DPP6: variants seen among roughly 807,000 people sequenced by gnomAD.
The protein encoded by DPP6 is A-type potassium channel modulatory protein DPP6.
In DPP6, 69 loss-of-function variants were observed where a neutral mutation model predicts 122.6. That is an observed-to-expected ratio of 0.56 (90% confidence interval 0.46 to 0.69). The LOEUF (loss-of-function observed/expected upper bound fraction) is 0.69, where lower values mean the gene tolerates loss of function less well. DPP6 is among the 30% of genes least tolerant of loss of function. The probability of loss-of-function intolerance (pLI) is 0.00; values close to 1 mark genes in which losing one functional copy is unlikely to be tolerated. For synonymous variants in DPP6, 418 were observed against 433.1 expected (o/e 0.97, Z 0.43); for missense variants, 928 against 1,116.9 (o/e 0.83, Z 2.41).
At position 154,014,731 on chromosome 7, in the gene DPP6, T is replaced by C. The variant is rs536875106; in HGVS notation, c.51+126997T>C. The stretch of plus-strand genomic sequence containing the variant: ...CTACTCTGCTTGTATTTTTTGTTTC[T>C]GTCCATCCTCTTACTTGATACCCCT... On this transcript the variant is annotated intron_variant, in intron 1 of 25. Coordinates refer to the DPP6 transcript ENST00000404039. Among the ~76,000 whole-genome samples the C allele has an allele frequency of 4.6e-5, 7 of 152,272 alleles. No individual in the cohort carries two copies. The South Asian group carries it at 1.0e-3, about 23-fold the overall frequency.
At chr7:154,319,368 A>T (rs905162170) in intron 1 of DPP6, among the ~76,000 whole-genome samples, 8 of 152,324 alleles carry the variant, frequency 5.3e-5, no homozygotes, top group Non-Finnish European at 8.8e-5. Flanking sequence ...CCTGCTTTAT[A>T]TTTGTATAAC....
chr7:153,914,647 C>T (rs1800229108), intron 1 of DPP6, among the ~76,000 whole-genome samples: 1 of 152,078 alleles, frequency 6.6e-6, no homozygotes, highest in Non-Finnish European at 1.5e-5. Flanking sequence ...GGAAAGGAAA[C>T]TTCATCTCAT....
intron 1 of DPP6, among the ~76,000 whole-genome samples, chr7:154,141,966 C>G (rs62487197): frequency 0.24 from 36,785 of 151,880 alleles, 4,899 homozygotes; most frequent in East Asian, 0.41. Flanking sequence ...TGCAGCAGGA[C>G]CAATCAAAAG....
chr7:154,553,139 C>T (rs981278294), intron 4 of DPP6, among the ~76,000 whole-genome samples: 4 of 152,310 alleles, frequency 2.6e-5, no homozygotes, highest in Middle Eastern at 3.4e-3. Context: ...AACAAAACAT[C>T]GACAGTGGCT....
At chr7:153,891,183 G>A (rs910563377) in intron 1 of DPP6, among the ~76,000 whole-genome samples, 68 of 150,664 alleles carry the variant, frequency 4.5e-4, no homozygotes, top group Non-Finnish European at 7.2e-4. Flanking sequence ...CACCATGCCC[G>A]GCTAATTTTT....
rs142632480 is a variant in DPP6, at chr7:154,343,409, G to T, written c.244-102805G>T. On this transcript the variant is annotated intron_variant, in intron 1 of 25. Coordinates refer to ENST00000377770, the MANE Select transcript of DPP6 (RefSeq NM_130797.4). Reference sequence around the variant, plus strand: ...AGTCCGGGCACTGAAACTGACAGCTGCTGCGGTCTTGATTTTGAGACAGTT... The same window carrying T: ...AGTCCGGGCACTGAAACTGACAGCTTCTGCGGTCTTGATTTTGAGACAGTT... Among the ~76,000 whole-genome samples the T allele has an allele frequency of 8.0e-4, 122 of 152,336 alleles. 1 individual carries two copies. Among genetic ancestry groups the T allele is most frequent in the African/African-American group, 2.9e-3 (120 of 41,582 alleles).
intron 1 of DPP6, among the ~76,000 whole-genome samples, chr7:154,161,498 AAAAAC>A (rs1220068756): frequency 4.2e-5 from 5 of 118,012 alleles, no homozygotes; most frequent in African/African-American, 1.1e-4. Flanking sequence ...ACTCCATCTC[AAAAAC>A]AAAACAAAAC....
chr7:154,031,935 C>T (rs1458970156), intron 1 of DPP6, among the ~76,000 whole-genome samples: 3 of 149,442 alleles, frequency 2.0e-5, no homozygotes, highest in Admixed American at 6.7e-5. Flanking sequence ...AATCTCGGCT[C>T]ACTGCAAGCT....
chr7:154,272,435 G>A (rs1473311610), intron 1 of DPP6, among the ~76,000 whole-genome samples: 7 of 152,106 alleles, frequency 4.6e-5, no homozygotes, highest in Admixed American at 1.3e-4. Flanking sequence ...TTTGTGCACC[G>A]CCTGGATGGA....
At chr7:154,371,586 A>C (rs1028340797) in intron 1 of DPP6, among the ~76,000 whole-genome samples, 1 of 152,110 alleles carries the variant, frequency 6.6e-6, no homozygotes, top group African/African-American at 2.4e-5. Flanking sequence ...GCCCACTTGC[A>C]GACTGGCCCT....
rs200379031 is a variant in DPP6 at position 154,459,140 on chromosome 7, TA to T, written c.358+12820del. Among the ~76,000 whole-genome samples, 17 of 119,860 alleles carry T rather than the reference TA, an allele frequency of 1.4e-4. No individual in the cohort carries two copies. The South Asian group carries it at 2.0e-3, about 14-fold the overall frequency. 78.6% of individuals were successfully genotyped at this position (119,860 alleles called of 152,430 possible). A position where few individuals can be genotyped will look rare whatever the true frequency, so the allele number is the denominator to read the frequency against. On this transcript the variant is annotated intron_variant, in intron 2 of 25. Transcript: ENST00000377770. ...TCGAGATGGGAGATGAAATGCAGAT[TA>T]AAAAAAAGAAGCCAATGAAATTCAG...
intron 1 of DPP6, among the ~76,000 whole-genome samples, chr7:154,012,826 A>C (rs1247471508): frequency 2.6e-5 from 4 of 152,190 alleles, no homozygotes; most frequent in African/African-American, 7.2e-5. Flanking sequence ...TTGAATGTAG[A>C]ACATTATGGA....
At chr7:154,561,114 G>A (rs1185008718) in intron 4 of DPP6, among the ~76,000 whole-genome samples, 1 of 152,110 alleles carries the variant, frequency 6.6e-6, no homozygotes, top group Non-Finnish European at 1.5e-5. Context: ...AGCAATAATT[G>A]GTTGAACCAA....
intron 1 of DPP6, among the ~76,000 whole-genome samples, chr7:154,066,484 CA>C (rs1802737055): frequency 1.3e-5 from 2 of 152,220 alleles, no homozygotes; most frequent in African/African-American, 4.8e-5. Context: ...GAAGAACACC[CA>C]CCAAGCTGAG....
intron 16 of DPP6, among the ~76,000 whole-genome samples, chr7:154,825,235 G>A (rs1800063770): frequency 6.6e-6 from 1 of 152,168 alleles, no homozygotes; most frequent in Non-Finnish European, 1.5e-5. Flanking sequence ...TAGCCAGAGG[G>A]AGCCATAACA....
At chr7:154,127,597 T>TCACACACACACACACACA (rs71182879) in intron 1 of DPP6, among the ~76,000 whole-genome samples, 7 of 136,722 alleles carry the variant, frequency 5.1e-5, no homozygotes, top group African/African-American at 1.8e-4. Flanking sequence ...GAGCAGCATC[T>TCACACACACACACACACA]CACACACACA....
chr7:153,807,925 C>A, the DPP6 span, among the ~76,000 whole-genome samples: 2 of 151,824 alleles, frequency 1.3e-5, no homozygotes, highest in Non-Finnish European at 2.9e-5. Context: ...ACAGAGGCAG[C>A]GTGGCCTGAA....
Position 154,153,395 on chromosome 7 carries a change from C to T in DPP6, c.243+100332C>T, listed in dbSNP as rs559900856. On this transcript the variant is annotated intron_variant, in intron 1 of 25. Coordinates refer to ENST00000377770, the MANE Select transcript of DPP6 (RefSeq NM_130797.4). ...AGAGACCGGGTTTCACCATGTTGGTCAGGCTGGTCTCAAACTCCTGATCTC... is the reference window on the plus strand; with the variant it reads ...AGAGACCGGGTTTCACCATGTTGGTTAGGCTGGTCTCAAACTCCTGATCTC... Among the ~76,000 whole-genome samples the T allele has an allele frequency of 5.3e-3, 807 of 152,328 alleles. 2 individuals are homozygous for T. Among genetic ancestry groups the T allele is most frequent in the African/African-American group, 0.018 (744 of 41,582 alleles).
intron 8 of DPP6, among the ~76,000 whole-genome samples, chr7:154,758,913 C>T (rs551173134): frequency 3.9e-5 from 6 of 152,290 alleles, no homozygotes; most frequent in East Asian, 1.9e-4. Flanking sequence ...GCGTCCTTCC[C>T]GTGAGAGCAC....
Sources: gnomAD v4.1 joint callset for allele counts (sites outside exome capture counted in the v4.1 genomes callset) on GRCh38, gnomAD v4.1.1 for gene constraint, MANE v1.5 for transcripts, NCBI Gene and HGNC (gene_info 2026-07-23, HGNC 2026-07-21) for gene names.